BAHCC1: variants seen among roughly 807,000 people sequenced by gnomAD.
The protein encoded by BAHCC1 is BAH domain and coiled-coil containing 1, also known as BAH and coiled-coil domain-containing protein 1.
Under a neutral mutation model 88.2 loss-of-function variants are expected in BAHCC1, and 43 were observed. That is an observed-to-expected ratio of 0.49 (90% CI 0.38 to 0.63). The LOEUF (loss-of-function observed/expected upper bound fraction) is 0.63. Among genes scored for constraint, BAHCC1 ranks in the 20% least tolerant of loss-of-function variants. The pLI, the probability that BAHCC1 is intolerant of heterozygous loss-of-function variation, is 0.00. For synonymous variants in BAHCC1, 1,510 were observed against 745.5 expected, an observed-to-expected ratio of 2.03 and a Z score of -16.71; for missense variants, 3,023 against 1,654.8, an observed-to-expected ratio of 1.83 and a Z score of -14.34.
At chr17:81,427,859 G>A (rs1001901455) in intron 3 of BAHCC1, among the ~76,000 whole-genome samples, 6 of 152,184 alleles carry the variant, frequency 3.9e-5, no homozygotes, top group Non-Finnish European at 5.9e-5. Flanking sequence ...TTTACAGAGC[G>A]CCGCGGACCC....
intron 4 of BAHCC1, 37 bp downstream of exon 4, chr17:81,438,529 T>C: frequency 1.3e-6 from 1 of 745,924 alleles, no homozygotes; most frequent in Non-Finnish European, 2.5e-6. Context: ...GGAGCAGGCA[T>C]GCTGGAGGTG....
intron 18 of BAHCC1, 57 bp downstream of exon 18, chr17:81,458,523 C>T: frequency 1.5e-6 from 1 of 650,504 alleles, no homozygotes. Flanking sequence ...GAGGAAAGGC[C>T]TTCCCCGCCC....
intron 15 of BAHCC1, among the ~76,000 whole-genome samples, chr17:81,455,904 G>T (rs150061306): frequency 6.6e-6 from 1 of 152,122 alleles, no homozygotes; most frequent in Non-Finnish European, 1.5e-5. Context: ...CCGTGGCCTC[G>T]GCGGGGCTGG....
intron 2 of BAHCC1, chr17:81,406,828 C>T (rs2063886322): frequency 2.2e-6 from 1 of 452,888 alleles, no homozygotes; most frequent in Non-Finnish European, 4.4e-6. Flanking sequence ...GGGTTTGCAG[C>T]GAGCCTCGGG....
At chr17:81,454,243 G>A (rs1237390364) in intron 14 of BAHCC1, among the ~76,000 whole-genome samples, 1 of 152,224 alleles carries the variant, frequency 6.6e-6, no homozygotes, top group African/African-American at 2.4e-5. Flanking sequence ...AGCCCAGGAT[G>A]TGGGGGGATC....
chr17:81,446,440 C>T (rs2064528197), intron 10 of BAHCC1, among the ~76,000 whole-genome samples: 1 of 151,634 alleles, frequency 6.6e-6, no homozygotes, highest in Admixed American at 6.6e-5. Flanking sequence ...CTGAGGCCAC[C>T]CCCAGCCCCG....
chr17:81,457,269 C>T (rs1433757549), intron 16 of BAHCC1, 141 bp from the exon 17 acceptor site: 5 of 619,880 alleles, frequency 8.1e-6, no homozygotes, highest in Non-Finnish European at 1.5e-5. Context: ...CAAAGCAGCC[C>T]CACAGAGCGG....
chr17:81,420,753 C>T (rs1027842882), intron 2 of BAHCC1, among the ~76,000 whole-genome samples: 11 of 152,160 alleles, frequency 7.2e-5, no homozygotes, highest in African/African-American at 2.4e-4. Flanking sequence ...GGCCAGTGTG[C>T]AGTCCTCGGT....
intron 2 of BAHCC1, among the ~76,000 whole-genome samples, chr17:81,426,536 G>A (rs2064202480): frequency 1.3e-5 from 2 of 151,614 alleles, no homozygotes; most frequent in South Asian, 2.1e-4. Flanking sequence ...CAAAGATGTC[G>A]TTCTTGGGTT....
At chr17:81,437,853 C>T (rs1170003985) in intron 3 of BAHCC1, among the ~76,000 whole-genome samples, 9 of 152,320 alleles carry the variant, frequency 5.9e-5, no homozygotes, top group Admixed American at 3.9e-4. Flanking sequence ...AACTCGGCGT[C>T]GGATGGACAC....
At chr17:81,431,268 C>T (rs2064258190) in intron 3 of BAHCC1, among the ~76,000 whole-genome samples, 3 of 152,134 alleles carry the variant, frequency 2.0e-5, no homozygotes, top group Non-Finnish European at 4.4e-5. Flanking sequence ...GCCACCCTGC[C>T]AGGGTCCCAG....
At position 81,453,863 on chromosome 17, in the gene BAHCC1, C is replaced by T. The variant is rs544174939; in HGVS notation, c.4445+1012C>T. The stretch of plus-strand genomic sequence containing the variant: ...GTGGCAGAGGCAGTTGGCCCCGGGA[C>T]GGGCCTTCTACCATGCAGGAAGTCG... On this transcript the variant is annotated intron_variant, in intron 14 of 27. Transcript: ENST00000675386. 1.5e-4 allele frequency among the ~76,000 whole-genome samples: 23 copies of T among 152,386 alleles called. No individual in the cohort carries two copies. The South Asian group carries it at 4.1e-3, about 27-fold the overall frequency.
chr17:81,462,269 A>G (rs1209288891), intron 26 of BAHCC1, among the ~76,000 whole-genome samples: 1 of 152,170 alleles, frequency 6.6e-6, no homozygotes, highest in East Asian at 1.9e-4. Flanking sequence ...GACAGTAGAA[A>G]TGGCTTCATG....
chr17:81,421,027 G>A (rs1431567846), intron 2 of BAHCC1, among the ~76,000 whole-genome samples: 2 of 152,246 alleles, frequency 1.3e-5, no homozygotes, highest in East Asian at 1.9e-4. Context: ...GCGGGCCCAC[G>A]ACCGACCTTG....
intron 3 of BAHCC1, among the ~76,000 whole-genome samples, chr17:81,428,182 C>T (rs1307083818): frequency 6.6e-6 from 1 of 152,154 alleles, no homozygotes; most frequent in Non-Finnish European, 1.5e-5. Flanking sequence ...GCACTACTAG[C>T]GGCCTCCTGG....
rs782365661 is a variant in BAHCC1 at position 81,452,795 on chromosome 17, G to A, written c.4389G>A (p.Ser1463=). The part of the protein sequence containing the change: ...GRPRKRKHSS[S]LPAPRPTGPL... ...CGAGGAAGCGCAAACACTCAAGCTC[G>A]CTGCCTGCCCCACGTCCCACGGGGC... is the stretch of plus-strand genomic sequence containing the variant. The change falls in exon 14 of 28, where the codon TCG becomes TCA. Residue 1463 remains serine, a synonymous_variant. Coordinates refer to ENST00000675386, the MANE Select transcript of BAHCC1 (RefSeq NM_001377448.1). The A allele has an allele frequency of 1.4e-5, 10 of 738,708 alleles. No individual in the cohort carries two copies. The highest frequency in any genetic ancestry group is 4.3e-5 in the South Asian group (3 of 69,144). The allele number at this position is 738,708 out of a possible 1,614,324, so 45.8% of individuals were successfully genotyped here.
In BAHCC1 at chr17:81,461,245, C is replaced by A. The variant is rs782121353; in HGVS notation, c.6582C>A (p.Ala2194=). 1.4e-6 allele frequency: 1 copy of A among 707,890 alleles called. No individual in the cohort carries two copies. Among genetic ancestry groups the A allele is most frequent in the South Asian group, 1.5e-5 (1 of 66,484 alleles). 43.9% of individuals were successfully genotyped at this position (707,890 alleles called of 1,614,324 possible). A position where few individuals can be genotyped will look rare whatever the true frequency, so the allele number is the denominator to read the frequency against. The part of the protein sequence containing the change: ...LRAKKAERVE[A]EKGGRRRAGG... ...CTAAGAAGGCCGAGAGGGTGGAGGCCGAGAAGGGTGGGCGGCGGCGGGCGG... is the reference window on the plus strand; with the variant it reads ...CTAAGAAGGCCGAGAGGGTGGAGGCAGAGAAGGGTGGGCGGCGGCGGGCGG... The change falls in exon 26 of 28, where the codon GCC becomes GCA. Residue 2194 remains alanine, a synonymous_variant. Transcript: ENST00000675386.
At position 81,456,599 on chromosome 17, in the gene BAHCC1, G is replaced by GTGA; in HGVS notation, c.4858+15_4858+17dup. The GTGA allele has an allele frequency of 1.4e-6, 1 of 691,258 alleles. No homozygotes were observed. The highest frequency in any genetic ancestry group is 2.7e-6 in the Non-Finnish European group (1 of 375,864). The allele number at this position is 691,258 out of a possible 1,614,324, so 42.8% of individuals were successfully genotyped here. On this transcript the variant is annotated intron_variant, in intron 16 of 27. Coordinates refer to ENST00000675386, the MANE Select transcript of BAHCC1 (RefSeq NM_001377448.1). ...CCCAGGAGGCAGGCAAGTTGCTGGCGTGAGTGGCCACTGCCAGGAGCCCCG... is the reference window on the plus strand; with the variant it reads ...CCCAGGAGGCAGGCAAGTTGCTGGCGTGATGAGTGGCCACTGCCAGGAGCCCCG...
Position 81,463,853 on chromosome 17 carries a change from G to A in BAHCC1, c.*36G>A. On this transcript the variant is annotated 3_prime_UTR_variant, in exon 28 of 28. Coordinates refer to ENST00000675386, the MANE Select transcript of BAHCC1 (RefSeq NM_001377448.1). ...GCAGATGCCTCCCACGTGCGCCAGG[G>A]ACCCTGTGTGCGGAGCCTGGCGTCG... 3 of 700,282 alleles carry A rather than the reference G, an allele frequency of 4.3e-6. No homozygotes were observed. The South Asian group carries it at 4.4e-5, about 10-fold the overall frequency. The allele number at this position is 700,282 out of a possible 1,614,324, so 43.4% of individuals were successfully genotyped here. A position where few individuals can be genotyped will look rare whatever the true frequency, so the allele number is the denominator to read the frequency against.
Sources: allele counts gnomAD v4.1 joint callset (sites outside exome capture counted in the v4.1 genomes callset), GRCh38; gene constraint gnomAD v4.1.1; transcripts MANE v1.5; gene names NCBI Gene and HGNC (gene_info 2026-07-23, HGNC 2026-07-21).